Variants in MYCBP2 observed in about 807,000 individuals in gnomAD.
The protein encoded by MYCBP2 is MYC binding protein 2.
MYCBP2 carries 120 observed loss-of-function variants against 525.3 expected under a neutral mutation model. That is an observed-to-expected ratio of 0.23 (90% CI 0.20 to 0.27). MYCBP2 has a LOEUF of 0.27. Ranked by LOEUF, MYCBP2 falls within the 10% of genes least tolerant of loss-of-function variation. The pLI is 1.00. For synonymous variants in MYCBP2, 1,894 were observed against 1,955.8 expected (o/e 0.97, Z 0.83); for missense variants, 4,149 against 5,657.1 (o/e 0.73, Z 8.55).
intron 36 of MYCBP2, 95 bp downstream of exon 36, chr13:77,176,402 T>C (rs544242440): frequency 9.1e-7 from 1 of 1,098,152 alleles, no homozygotes; most frequent in Non-Finnish European, 1.2e-6. Context: ...TACAAATAGC[T>C]ATAGGTAACA....
At chr13:77,226,399 A>T (rs770430642) in intron 18 of MYCBP2, among the ~76,000 whole-genome samples, 1 of 152,126 alleles carries the variant, frequency 6.6e-6, no homozygotes, top group African/African-American at 2.4e-5. Context: ...AATAACAACA[A>T]CTTACTTTTT....
intron 55 of MYCBP2, among the ~76,000 whole-genome samples, chr13:77,107,689 G>A (rs1393505272): frequency 6.6e-6 from 1 of 152,090 alleles, no homozygotes; most frequent in Non-Finnish European, 1.5e-5. Flanking sequence ...AGTGAGCCTA[G>A]ATTGCACCAC....
chr13:77,191,435 T>C (rs193295145), intron 28 of MYCBP2, among the ~76,000 whole-genome samples: 35 of 152,328 alleles, frequency 2.3e-4, no homozygotes, highest in African/African-American at 7.9e-4. Context: ...TCGTAAACAA[T>C]GTAATACCCA....
At chr13:77,177,318 T>A (rs2059800671) in intron 35 of MYCBP2, among the ~76,000 whole-genome samples, 1 of 151,254 alleles carries the variant, frequency 6.6e-6, no homozygotes, top group African/African-American at 2.4e-5. Context: ...TCATTATTTT[T>A]CAATTTCTTT....
chr13:77,054,682 C>T (rs1274643285), intron 80 of MYCBP2, among the ~76,000 whole-genome samples: 3 of 151,608 alleles, frequency 2.0e-5, no homozygotes, highest in Non-Finnish European at 2.9e-5. Flanking sequence ...CTCATTGCAG[C>T]CTCAACCCCC....
At chr13:77,088,514 A>G (rs2154116090) in intron 61 of MYCBP2, among the ~76,000 whole-genome samples, 1 of 152,256 alleles carries the variant, frequency 6.6e-6, no homozygotes, top group South Asian at 2.1e-4. Context: ...TCTTCTTTCC[A>G]TGATTACTCT....
chr13:77,292,214 T>A (rs2077552396), intron 2 of MYCBP2, among the ~76,000 whole-genome samples: 1 of 152,198 alleles, frequency 6.6e-6, no homozygotes, highest in Non-Finnish European at 1.5e-5. Context: ...AATGAAGAAC[T>A]AGGAAGCCTA....
chr13:77,141,050 A>C, intron 49 of MYCBP2, 107 bp from the exon 50 acceptor site: 1 of 759,354 alleles, frequency 1.3e-6, no homozygotes, highest in East Asian at 2.6e-5. Context: ...ATTAACACAA[A>C]TATCTGATTT....
At chr13:77,225,385 C>A in intron 19 of MYCBP2, 50 bp downstream of exon 19, 1 of 1,607,682 alleles carries the variant, frequency 6.2e-7, no homozygotes, top group Non-Finnish European at 8.5e-7. Context: ...AAATAAGTTA[C>A]TGAGCACAAT....
At chr13:77,194,741 G>A (rs776865582) in intron 26 of MYCBP2, among the ~76,000 whole-genome samples, 9 of 151,948 alleles carry the variant, frequency 5.9e-5, no homozygotes, top group Non-Finnish European at 1.2e-4. Context: ...AGTGAATACT[G>A]TAGAATTCTT....
At chr13:77,194,283 C>T in intron 26 of MYCBP2, 39 bp from the exon 27 acceptor site, 1 of 1,365,832 alleles carries the variant, frequency 7.3e-7, no homozygotes. Context: ...TATAAATCAG[C>T]TATACATATC....
chr13:77,175,677 T>C lies in MYCBP2; in HGVS notation c.5472+820A>G, dbSNP rs552342566. Reference sequence around the variant, plus strand: ...TATTTTGCCAAATATTGTTAGGAAATAGGCTGGGCGCGGTGGCTCACGCTT... The same window carrying C: ...TATTTTGCCAAATATTGTTAGGAAACAGGCTGGGCGCGGTGGCTCACGCTT... On this transcript the variant is annotated intron_variant, in intron 36 of 82. Transcript: ENST00000544440. Among the ~76,000 whole-genome samples, 5 of 152,280 alleles carry C rather than the reference T, an allele frequency of 3.3e-5. No homozygotes were observed. In the South Asian group the frequency reaches 1.0e-3, roughly 32 times the overall value.
At chr13:77,288,749 C>T (rs1463576090) in intron 2 of MYCBP2, among the ~76,000 whole-genome samples, 1 of 152,148 alleles carries the variant, frequency 6.6e-6, no homozygotes, top group African/African-American at 2.4e-5. Context: ...TCTCAATGAC[C>T]TACTACAAAC....
rs1291034349 is a variant in MYCBP2, at chr13:77,263,813, GCATTA to G, written c.1432-29_1432-25del. 4 of 1,612,300 alleles carry G rather than the reference GCATTA, an allele frequency of 2.5e-6. No individual in the cohort carries two copies. In the South Asian group the frequency reaches 4.4e-5, roughly 18 times the overall value. On this transcript the variant is annotated intron_variant, in intron 9 of 82. Coordinates refer to ENST00000544440, the MANE Select transcript of MYCBP2 (RefSeq NM_015057.5). ...TCCTAAGAAAAATAAAACATCCACA[GCATTA>G]CATTACATAAAGAGGTCGTTCAAGG...
intron 13 of MYCBP2, 136 bp from the exon 14 acceptor site, chr13:77,257,965 C>T: frequency 1.6e-6 from 1 of 638,954 alleles, no homozygotes; most frequent in Non-Finnish European, 2.5e-6. Flanking sequence ...AGCCAAAAGA[C>T]TGGCAGAGTA....
chr13:77,263,955 T>C lies in MYCBP2; in HGVS notation c.1405A>G (p.Ile469Val). ...QNILFTDGEY[I>V]NQIAASRDDG... is the part of the protein sequence containing the mutation. ...TCTCTTGAAGCAGCTATCTGATTAATATATTCTCCATCAGTGAATAAAATA... is the reference window on the plus strand; with the variant it reads ...TCTCTTGAAGCAGCTATCTGATTAACATATTCTCCATCAGTGAATAAAATA... Residue 469 changes from isoleucine to valine, a missense_variant, in exon 9 of 83, where the codon ATT (isoleucine) becomes GTT (valine). Physicochemically the swap from Ile to Val is conservative, Grantham distance 29. Around this residue, in one of 21 missense-constraint regions of MYCBP2, gnomAD observed 262 missense variants for 419.3 expected, o/e 0.62. Coordinates refer to ENST00000544440, the MANE Select transcript of MYCBP2 (RefSeq NM_015057.5). 1.2e-6 allele frequency: 2 copies of C among 1,612,806 alleles called. No individual in the cohort carries two copies. The highest frequency in any genetic ancestry group is 1.1e-5 in the South Asian group (1 of 90,994).
chr13:77,149,316 A>G (rs535324710), intron 47 of MYCBP2, among the ~76,000 whole-genome samples: 109 of 151,670 alleles, frequency 7.2e-4, no homozygotes, highest in African/African-American at 2.3e-3. Flanking sequence ...ATCACTGCAT[A>G]TTTGTTTCAG....
Position 77,166,332 on chromosome 13 carries a change from G to T in MYCBP2, c.6337C>A (p.Pro2113Thr). 2.5e-6 allele frequency: 4 copies of T among 1,584,936 alleles called. No homozygotes were observed. The highest frequency in any genetic ancestry group is 2.6e-6 in the Non-Finnish European group (3 of 1,167,996). ...SGWPTMVLVL[P>T]GNEALFSLET... ...ACAGAAGAAAAAAAAAACTTACCTG[G>T]CAACACCAAAACCATAGTAGGCCAC... The change falls in exon 41 of 83, where the codon CCA becomes ACA. Residue 2113 changes from proline to threonine, a missense_variant. By Grantham distance (38) the Pro-to-Thr change is conservative (BLOSUM62 -1). Around this residue, in one of 21 missense-constraint regions of MYCBP2, gnomAD observed 692 missense variants for 852.7 expected, o/e 0.81. Coordinates refer to ENST00000544440, the MANE Select transcript of MYCBP2 (RefSeq NM_015057.5).
chr13:77,138,778 A>C (rs879714897), intron 52 of MYCBP2, among the ~76,000 whole-genome samples: 1 of 152,240 alleles, frequency 6.6e-6, no homozygotes, highest in Admixed American at 6.5e-5. Flanking sequence ...GAACACACAG[A>C]ACTATCTGCA....
Sources: gnomAD v4.1 joint callset for allele counts (sites outside exome capture counted in the v4.1 genomes callset) on GRCh38, gnomAD v4.1.1 for gene constraint, gnomAD v4.1.1 regional missense constraint, MANE v1.5 for transcripts, NCBI Gene and HGNC (gene_info 2026-07-23, HGNC 2026-07-21) for gene names.